Variants in NUF2 observed in about 807,000 individuals in gnomAD.
NUF2 encodes the protein kinetochore protein Nuf2.
Under a neutral mutation model 61.8 loss-of-function variants are expected in NUF2, and 34 were observed. The observed-to-expected ratio is 0.55, with a 90% CI of 0.42 to 0.73. The LOEUF is 0.73. Among genes scored for constraint, NUF2 ranks in the 30% least tolerant of loss-of-function variants. The pLI is 0.00. For synonymous variants in NUF2, 172 were observed against 181.6 expected (o/e 0.95, Z 0.42); for missense variants, 445 against 539.1 (o/e 0.83, Z 1.73).
At chr1:163,335,636 A>G (rs2101675796) in intron 5 of NUF2, among the ~76,000 whole-genome samples, 1 of 151,378 alleles carries the variant, frequency 6.6e-6, no homozygotes, top group East Asian at 1.9e-4. Flanking sequence ...ACGTTTGTTC[A>G]CTTTCTTGGA....
chr1:163,347,686 C>A, intron 11 of NUF2, 77 bp from the exon 12 acceptor site: 1 of 1,018,830 alleles, frequency 9.8e-7, no homozygotes, highest in Non-Finnish European at 1.4e-6. Flanking sequence ...TATAGTTCAT[C>A]CTAGAAAATA....
At chr1:163,327,258 GCT>G (rs1348576665) in intron 2 of NUF2, among the ~76,000 whole-genome samples, 1 of 152,004 alleles carries the variant, frequency 6.6e-6, no homozygotes, top group Non-Finnish European at 1.5e-5. Context: ...GGGTATACTT[GCT>G]CTCATTCTTA....
In NUF2 at chr1:163,328,925, A is replaced by G; in HGVS notation, c.337+18A>G. Reference sequence around the variant, plus strand: ...ATGTCCAAGTAAGTGAGAATTTAAAACAGTTTTAATGTCTGGCTTCGATCT... The same window carrying G: ...ATGTCCAAGTAAGTGAGAATTTAAAGCAGTTTTAATGTCTGGCTTCGATCT... On this transcript the variant is annotated intron_variant, in intron 5 of 13. Transcript: ENST00000271452. The G allele has an allele frequency of 1.3e-6, 2 of 1,493,976 alleles. No individual in the cohort carries two copies. The highest frequency in any genetic ancestry group is 1.9e-6 in the Non-Finnish European group (2 of 1,073,334). The allele number at this position is 1,493,976 out of a possible 1,614,324, so 92.5% of individuals were successfully genotyped here.
chr1:163,349,026 A>T lies in NUF2; in HGVS notation c.1206A>T (p.Lys402Asn), dbSNP rs1281134741. Reference sequence around the variant, plus strand: ...TTAATCAAGAAATCCAAAAAATTAAACTTGGAATTCAACAACTAAAAGATG... The same window carrying T: ...TTAATCAAGAAATCCAAAAAATTAATCTTGGAATTCAACAACTAAAAGATG... ...TTINQEIQKIKLGIQQLKDAA... is the reference protein window; with the variant it reads ...TTINQEIQKINLGIQQLKDAA... Residue 402 changes from lysine to asparagine, a missense_variant, in exon 13 of 14, where the codon AAA becomes AAT. Coordinates refer to ENST00000271452, the MANE Select transcript of NUF2 (RefSeq NM_145697.3). 1.2e-6 allele frequency: 2 copies of T among 1,612,390 alleles called. No homozygotes were observed. Among genetic ancestry groups the T allele is most frequent in the Non-Finnish European group, 1.7e-6 (2 of 1,179,446 alleles).
intron 11 of NUF2, among the ~76,000 whole-genome samples, chr1:163,346,634 C>T (rs1310744202): frequency 6.6e-6 from 1 of 152,134 alleles, no homozygotes; most frequent in Admixed American, 6.5e-5. Flanking sequence ...GCGGGAGGAC[C>T]ATTGAGACCA....
rs1297116781 is a variant in NUF2, at chr1:163,347,853, G to A, written c.1039G>A (p.Val347Met). ...EENSFKRLMI[V>M]KKEKLATAQF... Reference sequence around the variant, plus strand: ...AAATTCGTTCAAAAGACTGATGATTGTGAAGAAGGAAAAACTTGCCACAGC... The same window carrying A: ...AAATTCGTTCAAAAGACTGATGATTATGAAGAAGGAAAAACTTGCCACAGC... Residue 347 changes from valine to methionine, a missense_variant, in exon 12 of 14, where the codon GTG becomes ATG. Physicochemically the swap from Val to Met is conservative, Grantham distance 21. Coordinates refer to ENST00000271452, the MANE Select transcript of NUF2 (RefSeq NM_145697.3). 5 of 1,612,086 alleles carry A rather than the reference G, an allele frequency of 3.1e-6. No individual in the cohort carries two copies. Among genetic ancestry groups the A allele is most frequent in the East Asian group, 2.2e-5 (1 of 44,740 alleles).
At chr1:163,336,385 T>C (rs1215805548) in intron 5 of NUF2, among the ~76,000 whole-genome samples, 1 of 152,178 alleles carries the variant, frequency 6.6e-6, no homozygotes, top group African/African-American at 2.4e-5. Context: ...AGTCATGGAC[T>C]GGTGCAGTAA....
chr1:163,327,440 A>T, intron 2 of NUF2, 48 bp from the exon 3 acceptor site: 1 of 954,976 alleles, frequency 1.0e-6, no homozygotes, highest in South Asian at 1.4e-5. Flanking sequence ...ATAGTGACAT[A>T]GCTTTAGAGT....
At chr1:163,350,458 T>A (rs1651277894) in intron 13 of NUF2, among the ~76,000 whole-genome samples, 1 of 152,184 alleles carries the variant, frequency 6.6e-6, no homozygotes, top group Non-Finnish European at 1.5e-5. Context: ...TCGAGGCACC[T>A]TTGTCTATCA....
intron 6 of NUF2, among the ~76,000 whole-genome samples, chr1:163,337,201 C>T (rs372977301): frequency 1.3e-5 from 2 of 151,984 alleles, no homozygotes; most frequent in African/African-American, 4.8e-5. Context: ...AAATAACGGA[C>T]ATATTTGAGG....
At chr1:163,335,204 G>A (rs1374222341) in intron 5 of NUF2, among the ~76,000 whole-genome samples, 2 of 152,030 alleles carry the variant, frequency 1.3e-5, no homozygotes, top group East Asian at 1.9e-4. Context: ...CGCCCACCTC[G>A]GCCTCCCAAA....
chr1:163,330,855 T>A (rs1650571191), intron 5 of NUF2, among the ~76,000 whole-genome samples: 1 of 151,998 alleles, frequency 6.6e-6, no homozygotes, highest in Non-Finnish European at 1.5e-5. Flanking sequence ...TTCTGATTAG[T>A]CATTGTTAGT....
At chr1:163,326,746 T>C (rs1457544323) in intron 2 of NUF2, among the ~76,000 whole-genome samples, 1 of 152,170 alleles carries the variant, frequency 6.6e-6, no homozygotes, top group African/African-American at 2.4e-5. Flanking sequence ...TAAAACCTGG[T>C]GTAATGGTGT....
chr1:163,351,091 A>C (rs1651301897), intron 13 of NUF2, among the ~76,000 whole-genome samples: 1 of 152,092 alleles, frequency 6.6e-6, no homozygotes, highest in Non-Finnish European at 1.5e-5. Flanking sequence ...ACCATTCTTT[A>C]TATAGCTTCA....
intron 11 of NUF2, among the ~76,000 whole-genome samples, chr1:163,346,912 C>T (rs1018167352): frequency 7.2e-5 from 11 of 152,148 alleles, no homozygotes; most frequent in African/African-American, 2.7e-4. Context: ...GATTTAATCA[C>T]ACTACTTAGA....
At chr1:163,338,573 A>G (rs999843452) in intron 7 of NUF2, among the ~76,000 whole-genome samples, 1 of 152,064 alleles carries the variant, frequency 6.6e-6, no homozygotes, top group Non-Finnish European at 1.5e-5. Context: ...ATTGATTTTG[A>G]GCAGGATTTT....
chr1:163,338,065 G>C lies in NUF2; in HGVS notation c.481G>C (p.Glu161Gln), dbSNP rs1283237007. 2 of 1,612,928 alleles carry C rather than the reference G, an allele frequency of 1.2e-6. No homozygotes were observed. The highest frequency in any genetic ancestry group is 1.1e-5 in the South Asian group (1 of 91,002). ...GCAACAGTTAAACGCCGCACACCAG[G>C]AGGCATTAATGAAACTGGAGAGACT... ...KMQQLNAAHQEALMKLERLDS... is the reference protein window; with the variant it reads ...KMQQLNAAHQQALMKLERLDS... Residue 161 changes from glutamate (E) to glutamine (Q), a missense_variant, in exon 7 of 14, where the codon GAG becomes CAG. Glu to Gln is a conservative substitution (Grantham distance 29, BLOSUM62 2). Coordinates refer to ENST00000271452, the MANE Select transcript of NUF2 (RefSeq NM_145697.3).
At chr1:163,351,183 G>GA (rs1250341053) in intron 13 of NUF2, among the ~76,000 whole-genome samples, 3 of 152,040 alleles carry the variant, frequency 2.0e-5, no homozygotes, top group African/African-American at 7.2e-5. Context: ...ACAACCCAGT[G>GA]CTAAACACAG....
At chr1:163,330,257 G>A (rs1004972595) in intron 5 of NUF2, among the ~76,000 whole-genome samples, 1 of 152,198 alleles carries the variant, frequency 6.6e-6, no homozygotes, top group African/African-American at 2.4e-5. Context: ...GGTGAAGGAA[G>A]TTGGTGGAGA....
Sources: allele counts gnomAD v4.1 joint callset (sites outside exome capture counted in the v4.1 genomes callset), GRCh38; gene constraint gnomAD v4.1.1; transcripts MANE v1.5; gene names NCBI Gene and HGNC (gene_info 2026-07-23, HGNC 2026-07-21).